Variants in TMEM175 observed in about 807,000 individuals in gnomAD.
TMEM175 encodes the protein transmembrane protein 175.
In TMEM175, 36 loss-of-function variants were observed where a neutral mutation model predicts 36.5. The observed-to-expected ratio is 0.99, with a 90% CI of 0.76 to 1.30. The LOEUF (loss-of-function observed/expected upper bound fraction) is 1.30, where lower values mean the gene tolerates loss of function less well. Ranked by LOEUF, TMEM175 falls within the 50% of genes most tolerant of loss-of-function variation. TMEM175 has a pLI of 0.00. For missense variants in TMEM175, 705 were observed against 692.8 expected (o/e 1.02, Z -0.20); for synonymous variants, 339 against 313.4 (o/e 1.08, Z -0.86).
At chr4:957,163 C>G (rs1022021032) in intron 10 of TMEM175, among the ~76,000 whole-genome samples, 35 of 152,228 alleles carry the variant, frequency 2.3e-4, no homozygotes, top group Admixed American at 6.5e-5. Flanking sequence ...CTCCTGCCCC[C>G]AACCCCCACC....
Position 951,915 on chromosome 4 carries a change from C to T in TMEM175, c.378+198C>T, listed in dbSNP as rs900925864. Reference sequence around the variant, plus strand: ...CTGGCGGGGAGGGGAGGCAGTGGCCCCGATGAGGGAGTCACCGGCGCTCCC... The same window carrying T: ...CTGGCGGGGAGGGGAGGCAGTGGCCTCGATGAGGGAGTCACCGGCGCTCCC... On this transcript the variant is annotated intron_variant, in intron 6 of 10. Transcript: ENST00000264771. The T allele has an allele frequency of 4.8e-6, 3 of 628,766 alleles. No homozygotes were observed. In the African/African-American group the frequency reaches 5.5e-5, roughly 12 times the overall value. The allele number at this position is 628,766 out of a possible 1,614,324, so 38.9% of individuals were successfully genotyped here.
intron 1 of TMEM175, among the ~76,000 whole-genome samples, chr4:933,235 G>T (rs1726277226): frequency 6.6e-6 from 1 of 152,072 alleles, no homozygotes; most frequent in Non-Finnish European, 1.5e-5. Flanking sequence ...TGCCAGGCGC[G>T]GTGGCTTACA....
Position 956,475 on chromosome 4 carries a change from CTG to C in TMEM175, c.842+589_842+590del, listed in dbSNP as rs1164787964. The C allele has an allele frequency of 3.2e-6, 4 of 1,250,956 alleles. No individual in the cohort carries two copies. In the East Asian group the frequency reaches 2.3e-4, roughly 72 times the overall value. The allele number at this position is 1,250,956 out of a possible 1,614,324, so 77.5% of individuals were successfully genotyped here. A position where few individuals can be genotyped will look rare whatever the true frequency, so the allele number is the denominator to read the frequency against. ...TTTTTTTTTTTTTGAGACAGTCCTG[CTG>C]TGTCGCCCAGGCTGGAGTATAGTGG... On this transcript the variant is annotated intron_variant, in intron 10 of 10. Coordinates refer to ENST00000264771, the MANE Select transcript of TMEM175 (RefSeq NM_032326.4).
chr4:955,715 G>A, intron 9 of TMEM175, 40 bp from the exon 10 acceptor site: 1 of 1,601,196 alleles, frequency 6.2e-7, no homozygotes, highest in Non-Finnish European at 8.5e-7. Flanking sequence ...ACCTCCACAT[G>A]GGGGGTTTGG....
Position 951,263 on chromosome 4 carries a change from G to A in TMEM175, c.342+5G>A, listed in dbSNP as rs556307595. On this transcript the variant is annotated splice_donor_5th_base_variant and intron_variant, in intron 5 of 10. Transcript: ENST00000264771. ...ACACTTGCCCTGCTCAACCTGGTGA[G>A]TATTTTCCGGTCCTTTTCTGGGGAG... The A allele has an allele frequency of 3.0e-5, 48 of 1,614,104 alleles. No homozygotes were observed. Among genetic ancestry groups the A allele is most frequent in the Non-Finnish European group, 4.0e-5 (47 of 1,179,980 alleles).
At chr4:940,094 T>A (rs1727252011) in intron 1 of TMEM175, among the ~76,000 whole-genome samples, 1 of 152,206 alleles carries the variant, frequency 6.6e-6, no homozygotes, top group Non-Finnish European at 1.5e-5. Context: ...CTGAAAAGGT[T>A]CCATACTGTA....
At chr4:947,053 C>T (rs1489589418) in intron 1 of TMEM175, among the ~76,000 whole-genome samples, 3 of 130,162 alleles carry the variant, frequency 2.3e-5, no homozygotes, top group African/African-American at 8.8e-5. Flanking sequence ...GCACGGGCGC[C>T]GAGACCGAGG....
At chr4:940,090 A>C (rs921190941) in intron 1 of TMEM175, among the ~76,000 whole-genome samples, 1 of 152,230 alleles carries the variant, frequency 6.6e-6, no homozygotes, top group African/African-American at 2.4e-5. Flanking sequence ...CAATCTGAAA[A>C]GGTTCCATAC....
Position 947,808 on chromosome 4 carries a change from C to G in TMEM175, c.69C>G (p.Asp23Glu). 6.2e-7 allele frequency: 1 copy of G among 1,613,180 alleles called. No individual in the cohort carries two copies. ...TPGDCPPGRRDEDAGEGIQCS... is the reference protein window; with the variant it reads ...TPGDCPPGRREEDAGEGIQCS... ...GGGACTGCCCCCCAGGCAGGAGAGA[C>G]GAGGACGCTGGGGAGGGGATCCAGT... The change falls in exon 2 of 11, where the codon GAC (aspartate) becomes GAG (glutamate). Residue 23 changes from aspartate (D) to glutamate (E), a missense_variant. Physicochemically the swap from Asp to Glu is conservative, Grantham distance 45. Transcript: ENST00000264771.
chr4:951,877 G>T, intron 6 of TMEM175, 160 bp downstream of exon 6: 7 of 784,232 alleles, frequency 8.9e-6, no homozygotes, highest in Non-Finnish European at 1.5e-5. Flanking sequence ...GGCTGTTGGG[G>T]GCTTCTTTCA....
intron 1 of TMEM175, among the ~76,000 whole-genome samples, chr4:939,932 C>G (rs1414563645): frequency 6.6e-6 from 1 of 152,146 alleles, no homozygotes. Flanking sequence ...TTATAATATG[C>G]TGTTGAAAAT....
rs1479837494 is a variant in TMEM175, at chr4:953,262, G to C, written c.535G>C (p.Ala179Pro). The C allele has an allele frequency of 6.2e-7, 1 of 1,614,032 alleles. No homozygotes were observed. Among genetic ancestry groups the C allele is most frequent in the African/African-American group, 1.3e-5 (1 of 75,062 alleles). Residue 179 changes from alanine (A) to proline (P), a missense_variant, in exon 8 of 11, where the codon GCT becomes CCT. Ala to Pro is a conservative substitution (Grantham distance 27). Coordinates refer to ENST00000264771, the MANE Select transcript of TMEM175 (RefSeq NM_032326.4). ...SPQIQRSAHR[A>P]LYRRHVLGIV... ...GCAGATCCAGCGCTCTGCCCACAGGGCTCTGTACCGACGACACGTCCTGGG... is the reference window on the plus strand; with the variant it reads ...GCAGATCCAGCGCTCTGCCCACAGGCCTCTGTACCGACGACACGTCCTGGG...
chr4:950,902 A>C (rs566035246), intron 4 of TMEM175, among the ~76,000 whole-genome samples: 1 of 136,850 alleles, frequency 7.3e-6, no homozygotes, highest in East Asian at 2.2e-4. Context: ...CAATAGGTGG[A>C]GGTGTGGATG....
chr4:943,151 CTAAT>C (rs1210856129), intron 1 of TMEM175, among the ~76,000 whole-genome samples: 1 of 151,776 alleles, frequency 6.6e-6, no homozygotes, highest in Non-Finnish European at 1.5e-5. Context: ...TGAAAGATGC[CTAAT>C]TAGTCAGTAG....
intron 3 of TMEM175, 69 bp downstream of exon 3, chr4:948,223 G>A (rs758912260): frequency 6.2e-7 from 1 of 1,613,330 alleles, no homozygotes; most frequent in Admixed American, 1.7e-5. Flanking sequence ...GGCTCGACCT[G>A]GCACAGGGTG....
At chr4:955,371 G>C (rs1359430415) in intron 8 of TMEM175, 34 bp from the exon 9 acceptor site, 26 of 1,581,094 alleles carry the variant, frequency 1.6e-5, no homozygotes, top group Non-Finnish European at 2.2e-5. Context: ...GGACCCCTGT[G>C]GAGGGCACTG....
intron 7 of TMEM175, among the ~76,000 whole-genome samples, chr4:952,923 C>G (rs184121575): frequency 1.8e-3 from 277 of 152,172 alleles, no homozygotes; most frequent in Non-Finnish European, 2.7e-3. Flanking sequence ...TGAGACCCCC[C>G]ACATGCGGCC....
chr4:933,863 G>A (rs1367443755), intron 1 of TMEM175, among the ~76,000 whole-genome samples: 1 of 152,198 alleles, frequency 6.6e-6, no homozygotes, highest in Non-Finnish European at 1.5e-5. Flanking sequence ...ATTGCATGAA[G>A]CCAAATGACA....
chr4:940,211 G>A (rs1228561070), intron 1 of TMEM175, among the ~76,000 whole-genome samples: 3 of 152,222 alleles, frequency 2.0e-5, no homozygotes, highest in African/African-American at 7.2e-5. Flanking sequence ...CACTTTCGGA[G>A]GCCAAGGCAG....
Sources: gnomAD v4.1 joint callset for allele counts (sites outside exome capture counted in the v4.1 genomes callset) on GRCh38, gnomAD v4.1.1 for gene constraint, MANE v1.5 for transcripts, NCBI Gene and HGNC (gene_info 2026-07-23, HGNC 2026-07-21) for gene names.